The following PTPRT variants were observed in gnomAD, a reference collection of about 807,000 sequenced individuals.
PTPRT encodes protein tyrosine phosphatase receptor type T.
Under a neutral mutation model 176.8 loss-of-function variants are expected in PTPRT, and 56 were observed. The observed-to-expected ratio is 0.32, with a 90% CI of 0.26 to 0.40. PTPRT has a LOEUF of 0.40. Among genes scored for constraint, PTPRT ranks in the 10% least tolerant of loss-of-function variants. The pLI is 1.00. For missense variants in PTPRT, 1,540 were observed against 1,908.2 expected (o/e 0.81, Z 3.60); for synonymous variants, 783 against 739.0 (o/e 1.06, Z -0.96).
intron 15 of PTPRT, among the ~76,000 whole-genome samples, chr20:42,212,525 A>C (rs2055668347): frequency 6.6e-6 from 1 of 152,030 alleles, no homozygotes; most frequent in South Asian, 2.1e-4. Context: ...GCAGGACTGC[A>C]TAGCAGTTAA....
chr20:43,189,741 G>A lies in PTPRT; in HGVS notation c.-8C>T. ...CGCGGCGAGGCTCGCCATCCGGGCG[G>A]CGGCGGGCAGCTCAGCCCCTTCCCG... On this transcript the variant is annotated 5_prime_UTR_variant, in exon 1 of 31. Transcript: ENST00000373187. This position sits in a 1 kb window ranked among gnomAD's most constrained non-coding sequence, Gnocchi z 5.0. 1.6e-6 allele frequency: 2 copies of A among 1,229,206 alleles called. No homozygotes were observed. The highest frequency in any genetic ancestry group is 2.0e-6 in the Non-Finnish European group (2 of 986,600). 76.1% of individuals were successfully genotyped at this position (1,229,206 alleles called of 1,614,324 possible). A position where few individuals can be genotyped will look rare whatever the true frequency, so the allele number is the denominator to read the frequency against.
the PTPRT span, among the ~76,000 whole-genome samples, chr20:42,057,450 G>C: frequency 6.6e-6 from 1 of 152,302 alleles, no homozygotes; most frequent in Admixed American, 6.5e-5. Context: ...GAGCCATACT[G>C]TTGACCCTGG....
At chr20:43,084,610 G>A (rs556051876) in intron 1 of PTPRT, among the ~76,000 whole-genome samples, 5 of 152,194 alleles carry the variant, frequency 3.3e-5, no homozygotes, top group African/African-American at 1.2e-4. Flanking sequence ...GATTTGGAGG[G>A]GACACAGAGC....
At chr20:42,936,471 G>A (rs1371649968) in intron 1 of PTPRT, among the ~76,000 whole-genome samples, 1 of 152,226 alleles carries the variant, frequency 6.6e-6, no homozygotes, top group Admixed American at 6.5e-5. Context: ...GCATTTGTAA[G>A]GACTTTGTTT....
chr20:42,625,146 C>A (rs1382084151), intron 7 of PTPRT, among the ~76,000 whole-genome samples: 1 of 152,168 alleles, frequency 6.6e-6, no homozygotes. Context: ...ATGGATGGGA[C>A]AAGGGACAAT....
At chr20:42,871,761 T>C in intron 2 of PTPRT, among the ~76,000 whole-genome samples, 1 of 150,890 alleles carries the variant, frequency 6.6e-6, no homozygotes, top group East Asian at 1.9e-4. Context: ...GTACCCTTAG[T>C]GAAGATTATT....
chr20:42,676,597 G>A (rs553142496), intron 7 of PTPRT, among the ~76,000 whole-genome samples: 1 of 151,758 alleles, frequency 6.6e-6, no homozygotes, highest in South Asian at 2.1e-4. Flanking sequence ...AAAGTCAAAA[G>A]CTGAGAGTCA....
intron 6 of PTPRT, among the ~76,000 whole-genome samples, chr20:42,711,849 G>A (rs1428316892): frequency 6.6e-6 from 1 of 151,602 alleles, no homozygotes; most frequent in Non-Finnish European, 1.5e-5. Flanking sequence ...AACAAGTGGA[G>A]AAAATGAGGC....
intron 4 of PTPRT, among the ~76,000 whole-genome samples, chr20:42,775,698 A>G (rs2077125438): frequency 6.6e-6 from 1 of 152,204 alleles, no homozygotes; most frequent in South Asian, 2.1e-4. Context: ...TTCTAATTTC[A>G]GTGCCAATCA....
intron 11 of PTPRT, among the ~76,000 whole-genome samples, chr20:42,332,556 C>A (rs974394560): frequency 1.3e-5 from 2 of 152,082 alleles, no homozygotes; most frequent in Non-Finnish European, 2.9e-5. Flanking sequence ...CTAAACTAGC[C>A]ACATTTTTCA....
intron 13 of PTPRT, among the ~76,000 whole-genome samples, chr20:42,249,482 T>G (rs1414763165): frequency 6.6e-6 from 1 of 152,334 alleles, no homozygotes; most frequent in East Asian, 1.9e-4. Context: ...GGCAGGTCAC[T>G]GGCCACTTAC....
rs1165385526 is a variant in PTPRT, at chr20:42,732,949, T to C, written c.859+23513A>G. On this transcript the variant is annotated intron_variant, in intron 6 of 30. Transcript: ENST00000373187. ...TTGTTTTTGTATTGCAGACATACTTTAGCATACACAGGTTGTATAGAAGAC... is the reference window on the plus strand; with the variant it reads ...TTGTTTTTGTATTGCAGACATACTTCAGCATACACAGGTTGTATAGAAGAC... 6.6e-5 allele frequency among the ~76,000 whole-genome samples: 10 copies of C among 152,360 alleles called. No homozygotes were observed. The South Asian group carries it at 1.9e-3, about 28-fold the overall frequency.
chr20:43,116,936 A>C (rs1378153736), intron 1 of PTPRT, among the ~76,000 whole-genome samples: 1 of 152,196 alleles, frequency 6.6e-6, no homozygotes, highest in East Asian at 1.9e-4. Context: ...GTCTGTGCTC[A>C]GATGTCTGTA....
intron 1 of PTPRT, among the ~76,000 whole-genome samples, chr20:43,177,095 A>G (rs1171958658): frequency 6.6e-6 from 1 of 152,252 alleles, no homozygotes; most frequent in African/African-American, 2.4e-5. Flanking sequence ...CCCATCTGCA[A>G]TGACGCCATT....
At chr20:42,931,453 C>T (rs1979842335) in intron 1 of PTPRT, among the ~76,000 whole-genome samples, 1 of 152,206 alleles carries the variant, frequency 6.6e-6, no homozygotes, top group Non-Finnish European at 1.5e-5. Flanking sequence ...GCCACGCAGT[C>T]TATGCATTTT....
In PTPRT at chr20:42,520,819, A is replaced by ATG. The variant is rs553215628; in HGVS notation, c.1154-48258_1154-48257insCA. Among the ~76,000 whole-genome samples, 469 of 145,980 alleles carry ATG rather than the reference A, an allele frequency of 3.2e-3. 25 individuals carry two copies. The South Asian group carries it at 0.097, about 30-fold the overall frequency. The stretch of plus-strand genomic sequence containing the variant: ...TGGAAAGACATATATATATATATAT[A>ATG]TATGTATGTATGGGTGTGTGTGTAG... On this transcript the variant is annotated intron_variant, in intron 7 of 30. Coordinates refer to ENST00000373187, the MANE Select transcript of PTPRT (RefSeq NM_007050.6).
Position 42,200,061 on chromosome 20 carries a change from T to TACACACACACAC in PTPRT, c.2343-685_2343-674dup, listed in dbSNP as rs3086759. Among the ~76,000 whole-genome samples, 74 of 140,564 alleles carry TACACACACACAC rather than the reference T, an allele frequency of 5.3e-4. 1 individual carries two copies. Among genetic ancestry groups the TACACACACACAC allele is most frequent in the African/African-American group, 1.4e-3 (51 of 36,210 alleles). The allele number at this position is 140,564 out of a possible 152,430, so 92.2% of individuals were successfully genotyped here. On this transcript the variant is annotated intron_variant, in intron 15 of 30. Transcript: ENST00000373187. ...AATCACCTGAAGAGTCACAAAAAAATACACACACACACACACACACAGAGG... is the reference window on the plus strand; with the variant it reads ...AATCACCTGAAGAGTCACAAAAAAATACACACACACACACACACACACACACACACACAGAGG...
chr20:42,551,035 G>T (rs965949096), intron 7 of PTPRT, among the ~76,000 whole-genome samples: 1 of 152,100 alleles, frequency 6.6e-6, no homozygotes, highest in Admixed American at 6.6e-5. Context: ...CAGGGGCCTG[G>T]TGTATAAATT....
At chr20:42,917,360 T>C (rs1978837912) in intron 1 of PTPRT, among the ~76,000 whole-genome samples, 1 of 152,204 alleles carries the variant, frequency 6.6e-6, no homozygotes. Flanking sequence ...TTTTGGTTAC[T>C]GTAGTCTTGT....
Sources: allele counts gnomAD v4.1 joint callset (sites outside exome capture counted in the v4.1 genomes callset), GRCh38; gene constraint gnomAD v4.1.1; non-coding constraint Gnocchi (gnomAD v3.1); transcripts MANE v1.5; gene names NCBI Gene and HGNC (gene_info 2026-07-23, HGNC 2026-07-21).